The following MYLK3 variants were observed in gnomAD, a reference collection of about 807,000 sequenced individuals.
MYLK3 encodes the protein MLC kinase.
A neutral mutation model predicts 76.3 loss-of-function variants in MYLK3; 55 were observed. The observed-to-expected ratio is 0.72, with a 90% CI of 0.58 to 0.90. The LOEUF is 0.90. Among genes scored for constraint, MYLK3 ranks in the 40% least tolerant of loss-of-function variants. MYLK3 has a pLI of 0.00. For missense variants in MYLK3, 973 were observed against 1,053.6 expected, an observed-to-expected ratio of 0.92 and a Z score of 1.06; for synonymous variants, 416 against 425.4, an observed-to-expected ratio of 0.98 and a Z score of 0.27.
At chr16:46,728,537 A>G (rs1301367573) in intron 7 of MYLK3, among the ~76,000 whole-genome samples, 1 of 152,184 alleles carries the variant, frequency 6.6e-6, no homozygotes, top group African/African-American at 2.4e-5. Flanking sequence ...CCTGGGCGAC[A>G]TAGCAAGACC....
At position 46,748,271 on chromosome 16, in the gene MYLK3, G is replaced by A; in HGVS notation, c.-78C>T. The A allele has an allele frequency of 1.3e-6, 2 of 1,503,424 alleles. No individual in the cohort carries two copies. Among genetic ancestry groups the A allele is most frequent in the Non-Finnish European group, 1.8e-6 (2 of 1,129,288 alleles). The allele number at this position is 1,503,424 out of a possible 1,614,324, so 93.1% of individuals were successfully genotyped here. A position where few individuals can be genotyped will look rare whatever the true frequency, so the allele number is the denominator to read the frequency against. On this transcript the variant is annotated 5_prime_UTR_variant, in exon 1 of 13. Coordinates refer to ENST00000394809, the MANE Select transcript of MYLK3 (RefSeq NM_182493.3). This position sits in a 1 kb window ranked among gnomAD's most constrained non-coding sequence, Gnocchi z 4.3. ...CCCTGGTTCTCACTCAGGCGGTGGT[G>A]TCTGCAAGGTCATTGTCCTCCGTAG...
chr16:46,716,763 G>C (rs1189387535), intron 9 of MYLK3, among the ~76,000 whole-genome samples: 1 of 152,170 alleles, frequency 6.6e-6, no homozygotes. Flanking sequence ...GACAGGCCTT[G>C]CTGGGTTTAG....
chr16:46,747,537 C>A (rs571816160), intron 1 of MYLK3, among the ~76,000 whole-genome samples, 180 bp downstream of exon 1: 2 of 152,226 alleles, frequency 1.3e-5, no homozygotes, highest in African/African-American at 2.4e-5. Context: ...GAATGGCAGG[C>A]AGTGTCCGGA....
intron 1 of MYLK3, among the ~76,000 whole-genome samples, 191 bp from the exon 2 acceptor site, chr16:46,740,338 C>T (rs536564522): frequency 2.0e-5 from 3 of 151,848 alleles, no homozygotes; most frequent in Admixed American, 6.6e-5. Flanking sequence ...GCCTTCCCAA[C>T]GTCATAAAAT....
upstream of MYLK3, among the ~76,000 whole-genome samples, chr16:46,751,146 C>G (rs908766155): frequency 6.6e-6 from 1 of 152,110 alleles, no homozygotes; most frequent in African/African-American, 2.4e-5. Flanking sequence ...CGTGGTGGCT[C>G]ATACCTGTAA....
chr16:46,745,618 C>T (rs1169040352), intron 1 of MYLK3, among the ~76,000 whole-genome samples: 3 of 151,946 alleles, frequency 2.0e-5, no homozygotes, highest in African/African-American at 7.3e-5. Flanking sequence ...TGGTGGAGGG[C>T]GTCTGTAATC....
chr16:46,715,532 T>C (rs1337843529), intron 9 of MYLK3, among the ~76,000 whole-genome samples: 1 of 152,202 alleles, frequency 6.6e-6, no homozygotes, highest in East Asian at 1.9e-4. Context: ...AGGCATCCTC[T>C]TACTCTGCCA....
At position 46,732,615 on chromosome 16, in the gene MYLK3, C is replaced by A. The variant is rs1013606482; in HGVS notation, c.1055G>T (p.Gly352Val). 1 of 1,572,744 alleles carries A rather than the reference C, an allele frequency of 6.4e-7. No homozygotes were observed. Among genetic ancestry groups the A allele is most frequent in the South Asian group, 1.1e-5 (1 of 88,116 alleles). ...GAGGGTGGGTCCAAGGCTGCCCCTGCCTGTCATCAGCATCTCCCCAGGAGT... is the reference window on the plus strand; with the variant it reads ...GAGGGTGGGTCCAAGGCTGCCCCTGACTGTCATCAGCATCTCCCCAGGAGT... Reference protein sequence around the residue: ...MDTPGEMLMTGRGSLGPTLTT... With the variant: ...MDTPGEMLMTVRGSLGPTLTT... The change falls in exon 4 of 13, where the codon GGC (glycine) becomes GTC (valine). Residue 352 changes from glycine (G) to valine (V), a missense_variant. Physicochemically the swap from Gly to Val is moderately radical, Grantham distance 109. Transcript: ENST00000394809.
Position 46,732,436 on chromosome 16 carries a change from C to T in MYLK3, c.1234G>A (p.Val412Met). 1.2e-6 allele frequency: 2 copies of T among 1,613,006 alleles called. No individual in the cohort carries two copies. The highest frequency in any genetic ancestry group is 1.3e-5 in the African/African-American group (1 of 75,070). The change falls in exon 4 of 13, where the codon GTG becomes ATG. Residue 412 changes from valine (V) to methionine (M), a missense_variant. Physicochemically the swap from Val to Met is conservative, Grantham distance 21. Transcript: ENST00000394809. ...GCCCTTTGCTCCTCCTCTGCCTTCA[C>T]TCCCCCGGGGCTGCTGCTCTCCTGC... is the stretch of plus-strand genomic sequence containing the variant. Reference protein sequence around the residue: ...PLQESSSPGGVKAEEEQRAGA... With the variant: ...PLQESSSPGGMKAEEEQRAGA...
At chr16:46,729,537 G>T (rs1966848333) in intron 6 of MYLK3, 57 bp downstream of exon 6, 1 of 1,502,926 alleles carries the variant, frequency 6.7e-7, no homozygotes, top group Non-Finnish European at 9.3e-7. Flanking sequence ...GGGCCCTGAG[G>T]GAAGGAAAGG....
Position 46,740,157 on chromosome 16 carries a change from C to G in MYLK3, c.478-10G>C. The G allele has an allele frequency of 6.2e-7, 1 of 1,611,194 alleles. No homozygotes were observed. The highest frequency in any genetic ancestry group is 8.5e-7 in the Non-Finnish European group (1 of 1,177,546). On this transcript the variant is annotated splice_polypyrimidine_tract_variant and intron_variant, in intron 1 of 12. Transcript: ENST00000394809. ...CCACTCGCTCTTTATTCTAAAATAA[C>G]AACCATAAAAAATGTCATCATTATC...
In MYLK3 at chr16:46,723,116, AC is replaced by A. The variant is rs545469755; in HGVS notation, c.1915-1924del. Reference sequence around the variant, plus strand: ...CACCTCAAAAAAAAAACAAAACCATACCCATCATCAGTTCCTGTCCATTCTT... The same window carrying A: ...CACCTCAAAAAAAAAACAAAACCATACCATCATCAGTTCCTGTCCATTCTT... On this transcript the variant is annotated intron_variant, in intron 8 of 12. Coordinates refer to ENST00000394809, the MANE Select transcript of MYLK3 (RefSeq NM_182493.3). 2.8e-4 allele frequency among the ~76,000 whole-genome samples: 42 copies of A among 152,032 alleles called. No homozygotes were observed. The East Asian group carries it at 7.5e-3, about 27-fold the overall frequency.
chr16:46,745,575 C>T (rs1967007316), intron 1 of MYLK3, among the ~76,000 whole-genome samples: 2 of 152,106 alleles, frequency 1.3e-5, no homozygotes, highest in Admixed American at 6.6e-5. Flanking sequence ...GAAACCCCAT[C>T]TCTACTAAAA....
chr16:46,717,573 A>G (rs1966756622), intron 9 of MYLK3, among the ~76,000 whole-genome samples: 1 of 151,606 alleles, frequency 6.6e-6, no homozygotes. Context: ...CCCTGTTCTC[A>G]GCCCATAACT....
intron 8 of MYLK3, among the ~76,000 whole-genome samples, chr16:46,721,576 C>T (rs1966800396): frequency 6.6e-6 from 1 of 152,142 alleles, no homozygotes; most frequent in Admixed American, 6.5e-5. Context: ...CCATGTTGCC[C>T]AGGCCTGTCT....
chr16:46,730,725 G>A (rs1309256680), intron 4 of MYLK3, 27 bp from the exon 5 acceptor site: 2 of 1,603,940 alleles, frequency 1.2e-6, no homozygotes, highest in Admixed American at 3.3e-5. Flanking sequence ...AAGGACCTGT[G>A]AGCCTCCTCT....
intron 1 of MYLK3, among the ~76,000 whole-genome samples, chr16:46,761,528 T>C (rs530842049): frequency 1.3e-5 from 2 of 152,136 alleles, no homozygotes; most frequent in African/African-American, 4.8e-5. Flanking sequence ...TCAAATTCCA[T>C]AGGCTGAGCA....
chr16:46,751,185 C>T (rs539855563), upstream of MYLK3, among the ~76,000 whole-genome samples: 2 of 151,580 alleles, frequency 1.3e-5, no homozygotes, highest in South Asian at 2.1e-4. Flanking sequence ...CCAAGGCAGG[C>T]GAATCACTTG....
At position 46,747,851 on chromosome 16, in the gene MYLK3, A is replaced by C. The variant is rs1283347771; in HGVS notation, c.343T>G (p.Phe115Val). The C allele has an allele frequency of 1.2e-6, 2 of 1,614,052 alleles. No homozygotes were observed. Among genetic ancestry groups the C allele is most frequent in the Non-Finnish European group, 1.7e-6 (2 of 1,180,044 alleles). ...CTGTCCACCGCAGCCACCATCCTGAAGAGGGCCTCCAGCCTGGCACCGTGC... is the reference window on the plus strand; with the variant it reads ...CTGTCCACCGCAGCCACCATCCTGACGAGGGCCTCCAGCCTGGCACCGTGC... ...AQHGARLEAL[F>V]RMVAAVDRAI... The change falls in exon 1 of 13, where the codon TTC (phenylalanine) becomes GTC (valine). Residue 115 changes from phenylalanine to valine, a missense_variant. Around this residue, in one of 2 missense-constraint regions of MYLK3, gnomAD observed 641 missense variants for 637.0 expected, o/e 1.01. Transcript: ENST00000394809.
Sources: allele counts gnomAD v4.1 joint callset (sites outside exome capture counted in the v4.1 genomes callset), GRCh38; gene constraint gnomAD v4.1.1; regional missense constraint gnomAD v4.1.1; non-coding constraint Gnocchi (gnomAD v3.1); transcripts MANE v1.5; gene names NCBI Gene and HGNC (gene_info 2026-07-23, HGNC 2026-07-21).